The following SOX5 variants were observed in gnomAD, a reference collection of about 807,000 sequenced individuals.
SOX5 encodes SRY-box transcription factor 5.
Under a neutral mutation model 92.0 loss-of-function variants are expected in SOX5, and 9 were observed. That is an observed-to-expected ratio of 0.10 (90% confidence interval 0.06 to 0.17). The LOEUF is 0.17. Among genes scored for constraint, SOX5 ranks in the 10% least tolerant of loss-of-function variants. The pLI, the probability that SOX5 is intolerant of heterozygous loss-of-function variation, is 1.00. For synonymous variants in SOX5, 344 were observed against 336.3 expected, an observed-to-expected ratio of 1.02 and a Z score of -0.25; for missense variants, 642 against 944.5, an observed-to-expected ratio of 0.68 and a Z score of 4.20.
intron 10 of SOX5, among the ~76,000 whole-genome samples, chr12:23,564,720 G>GT (rs2136385236): frequency 6.6e-6 from 1 of 152,316 alleles, no homozygotes; most frequent in South Asian, 2.1e-4. Flanking sequence ...GCTAACTGCC[G>GT]TGTTAGGAAA....
intron 9 of SOX5, among the ~76,000 whole-genome samples, chr12:23,589,935 A>G (rs1003112559): frequency 2.6e-5 from 4 of 152,030 alleles, no homozygotes; most frequent in African/African-American, 9.7e-5. Context: ...AGGATCATAC[A>G]AAGGAAGACA....
rs140834933 is a variant in SOX5, at chr12:24,254,671, A to G, written c.-77+22545T>C. Among the ~76,000 whole-genome samples the G allele has an allele frequency of 3.3e-5, 5 of 151,234 alleles. No individual in the cohort carries two copies. In the East Asian group the frequency reaches 5.8e-4, roughly 18 times the overall value. ...AAGTGGAAAAATTTTAAGTTGAACT[A>G]TTATAAGTTGGGGACTGTCCATATT... On this transcript the variant is annotated intron_variant, in intron 3 of 4. Coordinates refer to the SOX5 transcript ENST00000446891.
chr12:23,725,129 A>C (rs911533569), intron 6 of SOX5, among the ~76,000 whole-genome samples: 3 of 152,170 alleles, frequency 2.0e-5, no homozygotes, highest in African/African-American at 2.4e-5. Context: ...TCAGAGGAGG[A>C]GAAACTGGGA....
rs556002015 is a variant in SOX5 at position 23,677,812 on chromosome 12, T to C, written c.811-12248A>G. ...CATGCAGAGTATACTGAGTCAGTAA[T>C]GCAAAATGTTACATTAGTGGTAAGA... On this transcript the variant is annotated intron_variant, in intron 6 of 14. Coordinates refer to ENST00000451604, the MANE Select transcript of SOX5 (RefSeq NM_006940.6). Among the ~76,000 whole-genome samples the C allele has an allele frequency of 3.3e-5, 5 of 152,260 alleles. No individual in the cohort carries two copies. In the East Asian group the frequency reaches 9.6e-4, roughly 29 times the overall value.
At chr12:23,853,480 G>T (rs918072005) in intron 2 of SOX5, among the ~76,000 whole-genome samples, 3 of 150,352 alleles carry the variant, frequency 2.0e-5, no homozygotes, top group Non-Finnish European at 4.4e-5. Flanking sequence ...ATAAATAGGA[G>T]AAACAGTTTT....
chr12:24,144,177 A>G (rs1257967347), intron 4 of SOX5, among the ~76,000 whole-genome samples: 1 of 152,202 alleles, frequency 6.6e-6, no homozygotes, highest in Admixed American at 6.5e-5. Flanking sequence ...GTGGAGCAAA[A>G]TCTTGAAAGT....
At chr12:24,541,849 A>G (rs77851216) in intron 1 of SOX5, among the ~76,000 whole-genome samples, 3,514 of 152,258 alleles carry the variant, frequency 0.023, 150 homozygotes, top group African/African-American at 0.08. Context: ...AAAAAAATTT[A>G]AACTACGATA....
At chr12:24,422,301 T>C (rs923049308) in intron 1 of SOX5, among the ~76,000 whole-genome samples, 1 of 152,198 alleles carries the variant, frequency 6.6e-6, no homozygotes, top group Non-Finnish European at 1.5e-5. Flanking sequence ...GCTTCTCTTC[T>C]ACATTTCCCA....
chr12:23,596,883 A>C (rs1952567806), intron 9 of SOX5, among the ~76,000 whole-genome samples: 1 of 152,172 alleles, frequency 6.6e-6, no homozygotes, highest in Non-Finnish European at 1.5e-5. Context: ...TTTAGAATAT[A>C]ATTCAAAGTC....
intron 4 of SOX5, among the ~76,000 whole-genome samples, chr12:24,010,632 A>C (rs1050287832): frequency 6.6e-6 from 1 of 152,148 alleles, no homozygotes; most frequent in African/African-American, 2.4e-5. Flanking sequence ...ATCTTTCTTT[A>C]AAAATTTGAA....
intron 3 of SOX5, among the ~76,000 whole-genome samples, chr12:23,803,814 T>A (rs1338444532): frequency 6.6e-6 from 1 of 152,176 alleles, no homozygotes; most frequent in Non-Finnish European, 1.5e-5. Context: ...GAATGGGTTT[T>A]TTTTAGCTGA....
chr12:24,304,374 C>T (rs1344564054), intron 2 of SOX5, among the ~76,000 whole-genome samples: 4 of 152,028 alleles, frequency 2.6e-5, no homozygotes, highest in Non-Finnish European at 5.9e-5. Flanking sequence ...GAATGCAATC[C>T]AAAGAGACTG....
intron 4 of SOX5, among the ~76,000 whole-genome samples, chr12:24,038,644 T>C (rs1037451253): frequency 1.3e-5 from 2 of 152,292 alleles, no homozygotes; most frequent in Admixed American, 6.5e-5. Flanking sequence ...TAAAGGAAGA[T>C]TAAAACATAT....
intron 4 of SOX5, among the ~76,000 whole-genome samples, chr12:24,073,736 AC>A (rs1287209615): frequency 1.3e-5 from 2 of 152,194 alleles, no homozygotes; most frequent in African/African-American, 4.8e-5. Flanking sequence ...TTCAAATTTA[AC>A]CTTTTACCTA....
intron 2 of SOX5, among the ~76,000 whole-genome samples, chr12:23,883,731 C>CA (rs913325526): frequency 2.0e-5 from 3 of 152,150 alleles, no homozygotes; most frequent in African/African-American, 7.2e-5. Context: ...ATAATCTTAA[C>CA]AAAATGTGGT....
intron 3 of SOX5, among the ~76,000 whole-genome samples, chr12:23,804,274 C>T (rs554720233): frequency 6.6e-6 from 1 of 152,164 alleles, no homozygotes; most frequent in East Asian, 1.9e-4. Context: ...TAACTGATCA[C>T]ACTATAGTAT....
intron 1 of SOX5, among the ~76,000 whole-genome samples, chr12:24,416,719 T>C (rs553479391): frequency 3.7e-4 from 57 of 152,288 alleles, no homozygotes; most frequent in African/African-American, 1.2e-3. Context: ...TGAGCGATGA[T>C]AGTCAAACAC....
chr12:23,822,038 C>T (rs1437504935), intron 3 of SOX5, among the ~76,000 whole-genome samples: 1 of 152,046 alleles, frequency 6.6e-6, no homozygotes, highest in Non-Finnish European at 1.5e-5. Context: ...GTCTGGCTAG[C>T]AGTCTATCTA....
At chr12:23,935,467 G>A (rs1241717012) in intron 1 of SOX5, among the ~76,000 whole-genome samples, 3 of 151,208 alleles carry the variant, frequency 2.0e-5, no homozygotes, top group Non-Finnish European at 4.4e-5. Flanking sequence ...CTGCCTGTCT[G>A]TAAAGATATT....
Sources: allele counts gnomAD v4.1 joint callset (sites outside exome capture counted in the v4.1 genomes callset), GRCh38; gene constraint gnomAD v4.1.1; transcripts MANE v1.5; gene names NCBI Gene and HGNC (gene_info 2026-07-23, HGNC 2026-07-21).